The following IQCE variants were observed in gnomAD, a reference collection of about 807,000 sequenced individuals.
IQCE encodes IQ motif containing E.
A neutral mutation model predicts 96.0 loss-of-function variants in IQCE; 115 were observed. The ratio of observed to expected loss-of-function variants is 1.20; its 90% confidence interval spans 1.03 to 1.40. The LOEUF (loss-of-function observed/expected upper bound fraction) is 1.40, where lower values mean the gene tolerates loss of function less well. Among genes scored for constraint, IQCE ranks in the 40% most tolerant of loss-of-function variants. The probability of loss-of-function intolerance (pLI) is 0.00; values close to 1 mark genes in which losing one functional copy is unlikely to be tolerated. For synonymous variants in IQCE, 412 were observed against 371.2 expected (o/e 1.11, Z -1.26); for missense variants, 1,041 against 909.1 (o/e 1.15, Z -1.87).
intron 1 of IQCE, among the ~76,000 whole-genome samples, chr7:2,563,244 T>C (rs1781099876): frequency 6.6e-6 from 1 of 152,184 alleles, no homozygotes; most frequent in Non-Finnish European, 1.5e-5. Flanking sequence ...TCTTTGCGCC[T>C]GGAGTGCAGT....
At chr7:2,589,788 C>G (rs569253420) in intron 13 of IQCE, 119 bp from the exon 14 acceptor site, 2 of 955,798 alleles carry the variant, frequency 2.1e-6, no homozygotes, top group East Asian at 2.4e-5. Context: ...CCCCTCAAAG[C>G]TTTCTCATGG....
At chr7:2,601,399 C>A in intron 17 of IQCE, 42 bp from the exon 18 acceptor site, 1 of 1,312,944 alleles carries the variant, frequency 7.6e-7, no homozygotes, top group South Asian at 1.2e-5. Context: ...TCATCCTTCT[C>A]GTGTTAATTC....
chr7:2,562,616 T>C (rs1477280717), intron 1 of IQCE, among the ~76,000 whole-genome samples: 1 of 151,700 alleles, frequency 6.6e-6, no homozygotes, highest in East Asian at 1.9e-4. Context: ...TCCCCCTGTA[T>C]TTTGGTAATT....
At chr7:2,582,317 C>T (rs2128449430) in intron 8 of IQCE, among the ~76,000 whole-genome samples, 1 of 152,298 alleles carries the variant, frequency 6.6e-6, no homozygotes, top group Non-Finnish European at 1.5e-5. Flanking sequence ...TGGGGGAGGG[C>T]TGCCAGTCGG....
chr7:2,604,278 C>A (rs1233430121), intron 18 of IQCE, among the ~76,000 whole-genome samples: 4 of 152,076 alleles, frequency 2.6e-5, no homozygotes, highest in Non-Finnish European at 4.4e-5. Context: ...TGTGCCGTGC[C>A]CAGCTAATTT....
chr7:2,595,405 C>G (rs1443025548), intron 16 of IQCE, among the ~76,000 whole-genome samples: 1 of 152,150 alleles, frequency 6.6e-6, no homozygotes, highest in Non-Finnish European at 1.5e-5. Flanking sequence ...GGGCACTGCC[C>G]TCTGGGTGGG....
rs56334822 is a variant in IQCE at position 2,611,144 on chromosome 7, C to CTGGGCTGGTCTGGGCT, written c.*982_*983insTGGGCTGGTCTGGGCT. The stretch of plus-strand genomic sequence containing the variant: ...TGGGCTGGGCTGGGCTGGGCTGGGC[C>CTGGGCTGGTCTGGGCT]GGGCGTGCGGAGCCTGTGGAGCCAG... On this transcript the variant is annotated 3_prime_UTR_variant, in exon 22 of 22. Transcript: ENST00000402050. 1 of 129,170 alleles carries CTGGGCTGGTCTGGGCT rather than the reference C, an allele frequency of 7.7e-6. No individual in the cohort carries two copies. The highest frequency in any genetic ancestry group is 2.0e-4 in the East Asian group (1 of 5,094). The allele number at this position is 129,170 out of a possible 1,614,324, so 8.0% of individuals were successfully genotyped here.
chr7:2,577,526 G>A (rs1299176285), intron 6 of IQCE, among the ~76,000 whole-genome samples: 1 of 141,190 alleles, frequency 7.1e-6, no homozygotes, highest in Non-Finnish European at 1.5e-5. Context: ...ACGTGTGTGC[G>A]GCGTGCCCGC....
chr7:2,598,102 G>A, intron 16 of IQCE: 1 of 197,740 alleles, frequency 5.1e-6, no homozygotes, highest in Non-Finnish European at 1.0e-5. Context: ...AAACAGAAAA[G>A]GACCCCAGAA....
chr7:2,597,832 A>C (rs1784161537), intron 16 of IQCE, among the ~76,000 whole-genome samples: 2 of 151,850 alleles, frequency 1.3e-5, no homozygotes, highest in South Asian at 4.2e-4. Flanking sequence ...ACACCCGGGT[A>C]TTTTTTAAAT....
chr7:2,578,693 G>A (rs1782410751), intron 8 of IQCE, among the ~76,000 whole-genome samples, 167 bp downstream of exon 8: 1 of 152,166 alleles, frequency 6.6e-6, no homozygotes, highest in Admixed American at 6.5e-5. Context: ...ACACCACGGG[G>A]AGGGGGGCCA....
At chr7:2,578,086 C>T (rs1782332215) in intron 6 of IQCE, among the ~76,000 whole-genome samples, 156 bp from the exon 7 acceptor site, 3 of 148,496 alleles carry the variant, frequency 2.0e-5, no homozygotes, top group South Asian at 2.1e-4. Flanking sequence ...GACGTGTGTG[C>T]GGCGTGCGCG....
intron 1 of IQCE, among the ~76,000 whole-genome samples, chr7:2,565,600 C>G (rs1781313715): frequency 6.6e-6 from 1 of 152,220 alleles, no homozygotes; most frequent in Non-Finnish European, 1.5e-5. Flanking sequence ...CCTCTGTTCT[C>G]TGCAGGCACG....
At chr7:2,592,928 G>T in intron 14 of IQCE, 94 bp from the exon 15 acceptor site, 1 of 1,374,086 alleles carries the variant, frequency 7.3e-7, no homozygotes, top group African/African-American at 1.4e-5. Flanking sequence ...TCCTAAGGAA[G>T]GGCTGAGCAC....
intron 18 of IQCE, among the ~76,000 whole-genome samples, chr7:2,603,989 CTTTTTTT>C (rs11427354): frequency 7.9e-6 from 1 of 125,912 alleles, no homozygotes; most frequent in Non-Finnish European, 1.7e-5. Context: ...GCTTCCCTGT[CTTTTTTT>C]TTTTTTTTTT....
intron 8 of IQCE, 90 bp downstream of exon 8, chr7:2,578,616 C>G: frequency 2.1e-6 from 3 of 1,397,894 alleles, no homozygotes; most frequent in Non-Finnish European, 3.0e-6. Context: ...GCAGCACCCA[C>G]GCGTGAAGAG....
chr7:2,601,349 A>T (rs1427358555), intron 17 of IQCE, 92 bp from the exon 18 acceptor site: 1 of 884,658 alleles, frequency 1.1e-6, no homozygotes, highest in African/African-American at 1.7e-5. Context: ...TGTTGGCTTG[A>T]TGGACACCTG....
chr7:2,569,481 C>G (rs141764292), intron 3 of IQCE, among the ~76,000 whole-genome samples: 1 of 152,250 alleles, frequency 6.6e-6, no homozygotes, highest in African/African-American at 2.4e-5. Flanking sequence ...TGCCAGGGTT[C>G]TATTCTTCCT....
intron 6 of IQCE, 95 bp downstream of exon 6, chr7:2,573,583 G>A: frequency 1.4e-6 from 1 of 695,960 alleles, no homozygotes; most frequent in Non-Finnish European, 2.5e-6. Flanking sequence ...GAGGTGCCCA[G>A]ATGGGAAGAG....
Sources: allele counts gnomAD v4.1 joint callset (sites outside exome capture counted in the v4.1 genomes callset), GRCh38; gene constraint gnomAD v4.1.1; transcripts MANE v1.5; gene names NCBI Gene and HGNC (gene_info 2026-07-23, HGNC 2026-07-21).